The following LRBA variants were observed in gnomAD, a reference collection of about 807,000 sequenced individuals.
The protein encoded by LRBA is LPS responsive beige-like anchor protein.
A neutral mutation model predicts 330.0 loss-of-function variants in LRBA; 176 were observed. The ratio of observed to expected loss-of-function variants is 0.53; its 90% CI spans 0.47 to 0.60. The LOEUF is 0.60. Among genes scored for constraint, LRBA ranks in the 20% least tolerant of loss-of-function variants. The probability of loss-of-function intolerance (pLI) is 0.00; values close to 1 mark genes in which losing one functional copy is unlikely to be tolerated. For synonymous variants in LRBA, 1,230 were observed against 1,193.0 expected (o/e 1.03, Z -0.64); for missense variants, 3,259 against 3,444.8 (o/e 0.95, Z 1.35).
intron 44 of LRBA, among the ~76,000 whole-genome samples, chr4:150,443,596 G>A (rs1178543411): frequency 2.0e-5 from 3 of 151,830 alleles, no homozygotes; most frequent in African/African-American, 7.3e-5. Flanking sequence ...CTATTGCAAG[G>A]ACAAAAAACC....
chr4:150,992,592 T>G (rs1012404181), intron 2 of LRBA, among the ~76,000 whole-genome samples: 2 of 152,164 alleles, frequency 1.3e-5, no homozygotes, highest in African/African-American at 4.8e-5. Context: ...TGAAGGGTGT[T>G]ACAATAATCC....
chr4:150,288,141 GC>G (rs1748380423), intron 53 of LRBA, among the ~76,000 whole-genome samples: 1 of 151,952 alleles, frequency 6.6e-6, no homozygotes, highest in African/African-American at 2.4e-5. Context: ...ACAGGCGCCC[GC>G]CACTGCGCCC....
intron 2 of LRBA, among the ~76,000 whole-genome samples, chr4:150,993,684 G>A (rs768206831): frequency 6.4e-4 from 97 of 152,204 alleles, no homozygotes; most frequent in Non-Finnish European, 1.3e-3. Flanking sequence ...GTGGTGGCAA[G>A]AGAAAAAGAG....
At chr4:150,300,610 T>A (rs577358385) in intron 53 of LRBA, among the ~76,000 whole-genome samples, 8 of 151,506 alleles carry the variant, frequency 5.3e-5, no homozygotes, top group Admixed American at 4.0e-4. Context: ...GAACTTAGAT[T>A]TTTTTTTTAC....
chr4:150,432,233 C>T (rs1458473964), intron 46 of LRBA, among the ~76,000 whole-genome samples: 2 of 151,934 alleles, frequency 1.3e-5, no homozygotes, highest in African/African-American at 4.8e-5. Flanking sequence ...GCAAGGTATG[C>T]TTTAGGATCT....
intron 44 of LRBA, among the ~76,000 whole-genome samples, chr4:150,459,766 A>G (rs1368599967): frequency 6.6e-6 from 1 of 151,970 alleles, no homozygotes; most frequent in African/African-American, 2.4e-5. Flanking sequence ...AATGTGGCAT[A>G]CAACAGCATC....
chr4:150,464,490 G>C lies in LRBA; in HGVS notation c.6780+3183C>G, dbSNP rs570842530. On this transcript the variant is annotated intron_variant, in intron 44 of 56. Transcript: ENST00000651943. ...ATTTATTAGACTACAGAGCTCTACA[G>C]ATTCCATAATACTATGGGGTCTTAG... Among the ~76,000 whole-genome samples the C allele has an allele frequency of 4.6e-5, 7 of 152,188 alleles. No individual in the cohort carries two copies. In the South Asian group the frequency reaches 1.5e-3, roughly 32 times the overall value.
chr4:150,639,500 T>C (rs6821325), intron 37 of LRBA, among the ~76,000 whole-genome samples: 2,111 of 146,044 alleles, frequency 0.014, 57 homozygotes, highest in African/African-American at 0.049. Flanking sequence ...TCAGAACTGT[T>C]CCCTAGAGTG....
chr4:150,383,252 TTTC>T (rs1267526660), intron 47 of LRBA, among the ~76,000 whole-genome samples: 2 of 151,816 alleles, frequency 1.3e-5, no homozygotes, highest in African/African-American at 4.8e-5. Context: ...TAGTCAATCT[TTTC>T]TTTTCTTTTT....
chr4:150,746,753 G>A (rs1247401046), intron 35 of LRBA, among the ~76,000 whole-genome samples: 3 of 151,850 alleles, frequency 2.0e-5, no homozygotes, highest in Admixed American at 6.6e-5. Flanking sequence ...CTTGTGATCC[G>A]CCCACCTCAG....
At chr4:150,735,990 C>T (rs1731131437) in intron 35 of LRBA, among the ~76,000 whole-genome samples, 1 of 152,070 alleles carries the variant, frequency 6.6e-6, no homozygotes, top group Non-Finnish European at 1.5e-5. Context: ...CTAAGCAAAG[C>T]TTTCAGGGTG....
intron 40 of LRBA, among the ~76,000 whole-genome samples, chr4:150,503,061 G>A (rs1333474329): frequency 2.0e-5 from 3 of 152,200 alleles, no homozygotes; most frequent in Non-Finnish European, 4.4e-5. Flanking sequence ...CAGGAAGCTC[G>A]AACTGGGTGG....
chr4:150,884,513 G>T (rs1728740271), intron 17 of LRBA, among the ~76,000 whole-genome samples: 1 of 152,146 alleles, frequency 6.6e-6, no homozygotes, highest in African/African-American at 2.4e-5. Context: ...AGGGCTGAAG[G>T]AATTTTATCA....
chr4:150,877,911 C>T (rs1431005499), intron 17 of LRBA, among the ~76,000 whole-genome samples: 1 of 152,138 alleles, frequency 6.6e-6, no homozygotes, highest in Non-Finnish European at 1.5e-5. Context: ...GGAAGTTGAA[C>T]AACTTGCTCC....
chr4:150,899,471 C>G (rs564435529), intron 14 of LRBA, among the ~76,000 whole-genome samples: 2 of 152,120 alleles, frequency 1.3e-5, no homozygotes, highest in East Asian at 3.9e-4. Context: ...AAGCCAGTTC[C>G]AAGGAGACTG....
chr4:150,427,317 A>G (rs959956124), intron 46 of LRBA, among the ~76,000 whole-genome samples: 1 of 151,988 alleles, frequency 6.6e-6, no homozygotes, highest in African/African-American at 2.4e-5. Flanking sequence ...GCATGAGAAG[A>G]AAAATATTCA....
intron 34 of LRBA, among the ~76,000 whole-genome samples, chr4:150,766,176 T>C (rs1735740098): frequency 1.3e-5 from 2 of 152,078 alleles, no homozygotes; most frequent in South Asian, 4.1e-4. Flanking sequence ...CTCATTAATT[T>C]TTTCAAATTG....
At chr4:150,617,637 C>T (rs941617101) in intron 37 of LRBA, among the ~76,000 whole-genome samples, 15 of 151,090 alleles carry the variant, frequency 9.9e-5, no homozygotes, top group African/African-American at 3.2e-4. Flanking sequence ...AATGAGACTT[C>T]GTCTCAAAAA....
At chr4:150,734,119 G>A (rs1002381114) in intron 36 of LRBA, among the ~76,000 whole-genome samples, 14 of 152,004 alleles carry the variant, frequency 9.2e-5, no homozygotes, top group African/African-American at 3.4e-4. Flanking sequence ...TACCATATTT[G>A]TATTGTTTTC....
Sources: allele counts gnomAD v4.1 joint callset (sites outside exome capture counted in the v4.1 genomes callset), GRCh38; gene constraint gnomAD v4.1.1; transcripts MANE v1.5; gene names NCBI Gene and HGNC (gene_info 2026-07-23, HGNC 2026-07-21).